The following CDIN1 variants were observed in gnomAD, a reference collection of about 807,000 sequenced individuals.
The protein encoded by CDIN1 is CDAN1 interacting nuclease 1, also known as CDAN1-interacting nuclease 1.
In CDIN1, 33 loss-of-function variants were observed where a neutral mutation model predicts 45.3. That is an observed-to-expected ratio of 0.73 (90% CI 0.55 to 0.97). The LOEUF (loss-of-function observed/expected upper bound fraction) is 0.97, where lower values mean the gene tolerates loss of function less well. Ranked by LOEUF, CDIN1 falls within the 50% of genes least tolerant of loss-of-function variation. The pLI is 0.00. For missense variants in CDIN1, 303 were observed against 339.4 expected (o/e 0.89, Z 0.84); for synonymous variants, 118 against 124.4 (o/e 0.95, Z 0.34).
At position 36,588,243 on chromosome 15, in the gene CDIN1, CT is replaced by C. The variant is rs531351780; in HGVS notation, c.101+8286del. 4.8e-3 allele frequency among the ~76,000 whole-genome samples: 620 copies of C among 128,696 alleles called. 6 individuals carry two copies. Among genetic ancestry groups the C allele is most frequent in the African/African-American group, 0.018 (606 of 34,096 alleles). The allele number at this position is 128,696 out of a possible 152,430, so 84.4% of individuals were successfully genotyped here. ...GATATATAATGGCATTTAAAAAAAC[CT>C]TTTAAACCTAAATTCACTGATTTTT... On this transcript the variant is annotated intron_variant, in intron 1 of 10. Transcript: ENST00000566621.
intron 1 of CDIN1, among the ~76,000 whole-genome samples, chr15:36,596,861 G>C (rs1412039214): frequency 2.0e-5 from 3 of 152,054 alleles, no homozygotes; most frequent in African/African-American, 7.2e-5. Context: ...GCTACAGAAT[G>C]GGACCTATAA....
chr15:36,647,138 C>T (rs1405270570), intron 3 of CDIN1, among the ~76,000 whole-genome samples: 1 of 150,622 alleles, frequency 6.6e-6, no homozygotes, highest in African/African-American at 2.5e-5. Context: ...ATCCTACTGC[C>T]TCAGTCTCCT....
At chr15:36,765,379 A>T (rs1386334464) in intron 10 of CDIN1, among the ~76,000 whole-genome samples, 3 of 152,040 alleles carry the variant, frequency 2.0e-5, no homozygotes, top group Non-Finnish European at 4.4e-5. Context: ...CATAAAGGAG[A>T]AATAAACTTT....
At chr15:36,624,659 G>A (rs1212066786) in intron 1 of CDIN1, among the ~76,000 whole-genome samples, 2 of 152,234 alleles carry the variant, frequency 1.3e-5, no homozygotes, top group East Asian at 1.9e-4. Context: ...GCAAGTTTTT[G>A]CATTTCCTTG....
chr15:36,579,754 C>T lies in CDIN1; in HGVS notation c.-107C>T. 1.2e-6 allele frequency: 1 copy of T among 861,644 alleles called. No homozygotes were observed. The highest frequency in any genetic ancestry group is 1.8e-6 in the Non-Finnish European group (1 of 555,484). 53.4% of individuals were successfully genotyped at this position (861,644 alleles called of 1,614,324 possible). ...TTGGGGCAAGCCAAGCAGGCGAGGA[C>T]CCGGGCCTGTGCCGCTTTGCCTACC... is the stretch of plus-strand genomic sequence containing the variant. On this transcript the variant is annotated 5_prime_UTR_variant, in exon 1 of 11. Transcript: ENST00000566621.
chr15:36,590,534 C>T (rs920538321), intron 1 of CDIN1, among the ~76,000 whole-genome samples: 3 of 152,138 alleles, frequency 2.0e-5, no homozygotes, highest in African/African-American at 4.8e-5. Context: ...CAATTCTGTG[C>T]GAAGCCCAGT....
intron 1 of CDIN1, among the ~76,000 whole-genome samples, chr15:36,623,095 T>C (rs2140318795): frequency 6.6e-6 from 1 of 152,310 alleles, no homozygotes; most frequent in South Asian, 2.1e-4. Context: ...TTTTGGGGGC[T>C]TTCACAGGAT....
intron 5 of CDIN1, among the ~76,000 whole-genome samples, chr15:36,684,930 C>T (rs1004611963): frequency 1.3e-5 from 2 of 151,032 alleles, no homozygotes; most frequent in African/African-American, 4.9e-5. Flanking sequence ...GTGATATCCC[C>T]TTTATCATTT....
chr15:36,597,425 C>T (rs2037889689), intron 1 of CDIN1, among the ~76,000 whole-genome samples: 1 of 152,194 alleles, frequency 6.6e-6, no homozygotes, highest in Non-Finnish European at 1.5e-5. Context: ...TGCTGGCACT[C>T]ACTTTCATAT....
chr15:36,709,084 A>G, intron 8 of CDIN1, 139 bp from the exon 9 acceptor site: 1 of 541,670 alleles, frequency 1.8e-6, no homozygotes, highest in South Asian at 4.5e-5. Context: ...ATTATTTCTG[A>G]CACAGCACTG....
intron 5 of CDIN1, among the ~76,000 whole-genome samples, chr15:36,662,764 T>C (rs2041065639): frequency 6.6e-6 from 1 of 151,758 alleles, no homozygotes; most frequent in South Asian, 2.1e-4. Flanking sequence ...AAAGAACTCA[T>C]AGTTTAGTGG....
intron 4 of CDIN1, among the ~76,000 whole-genome samples, 177 bp downstream of exon 4, chr15:36,654,335 ATAT>A (rs1347390024): frequency 6.6e-6 from 1 of 152,186 alleles, no homozygotes; most frequent in African/African-American, 2.4e-5. Context: ...AGAACTTCAC[ATAT>A]TAATAAATCA....
At chr15:36,742,355 A>T (rs1171826914) in intron 10 of CDIN1, among the ~76,000 whole-genome samples, 1 of 152,132 alleles carries the variant, frequency 6.6e-6, no homozygotes, top group African/African-American at 2.4e-5. Context: ...AAAAGTTCTT[A>T]GTAGTCTAAG....
chr15:36,595,811 T>C (rs1018115355), intron 1 of CDIN1, among the ~76,000 whole-genome samples: 6 of 152,292 alleles, frequency 3.9e-5, no homozygotes, highest in African/African-American at 1.4e-4. Flanking sequence ...GGGAGATGAA[T>C]AGAGCTTACA....
At chr15:36,642,743 T>C (rs751852304) in intron 1 of CDIN1, among the ~76,000 whole-genome samples, 1 of 152,212 alleles carries the variant, frequency 6.6e-6, no homozygotes, top group African/African-American at 2.4e-5. Flanking sequence ...TGGTCATTGG[T>C]CCCTAACTTT....
In CDIN1 at chr15:36,808,609, A is replaced by T. The variant is rs974914616; in HGVS notation, c.*156A>T. 6.9e-6 allele frequency: 7 copies of T among 1,018,022 alleles called. No individual in the cohort carries two copies. In the Admixed American group the frequency reaches 8.0e-5, roughly 12 times the overall value. 63.1% of individuals were successfully genotyped at this position (1,018,022 alleles called of 1,614,324 possible). A position where few individuals can be genotyped will look rare whatever the true frequency, so the allele number is the denominator to read the frequency against. ...CACTACCTCTTTAGACAAACATATCAAGAGTTTCTGTTTTCCTTCATCCCT... is the reference window on the plus strand; with the variant it reads ...CACTACCTCTTTAGACAAACATATCTAGAGTTTCTGTTTTCCTTCATCCCT... On this transcript the variant is annotated 3_prime_UTR_variant, in exon 11 of 11. Transcript: ENST00000566621.
At chr15:36,712,808 C>A (rs2043101466) in intron 10 of CDIN1, among the ~76,000 whole-genome samples, 1 of 152,206 alleles carries the variant, frequency 6.6e-6, no homozygotes, top group South Asian at 2.1e-4. Context: ...CAGTTATGAA[C>A]CTTGGTTAAA....
chr15:36,806,004 G>C (rs2055215005), intron 10 of CDIN1, among the ~76,000 whole-genome samples: 1 of 152,200 alleles, frequency 6.6e-6, no homozygotes, highest in Non-Finnish European at 1.5e-5. Context: ...TACATTGACA[G>C]AGGTAATGTT....
At chr15:36,742,211 G>A (rs189248530) in intron 10 of CDIN1, among the ~76,000 whole-genome samples, 9 of 152,148 alleles carry the variant, frequency 5.9e-5, no homozygotes, top group East Asian at 1.9e-4. Context: ...CTGGACCACC[G>A]TCAAAGACCC....
Sources: gnomAD v4.1 joint callset for allele counts (sites outside exome capture counted in the v4.1 genomes callset) on GRCh38, gnomAD v4.1.1 for gene constraint, MANE v1.5 for transcripts, NCBI Gene and HGNC (gene_info 2026-07-23, HGNC 2026-07-21) for gene names.